The following KANK2 variants were observed in gnomAD, a reference collection of about 807,000 sequenced individuals.
The protein encoded by KANK2 is KN motif and ankyrin repeat domains 2, also known as KN motif and ankyrin repeat domain-containing protein 2.
A neutral mutation model predicts 74.6 loss-of-function variants in KANK2; 41 were observed. That is an observed-to-expected ratio of 0.55 (90% CI 0.43 to 0.71). KANK2 has a LOEUF of 0.71. KANK2 is among the 30% of genes least tolerant of loss of function. KANK2 has a pLI of 0.00. For synonymous variants in KANK2, 537 were observed against 519.0 expected (o/e 1.03, Z -0.47); for missense variants, 1,148 against 1,196.4 (o/e 0.96, Z 0.60).
At chr19:11,194,104 C>G in intron 3 of KANK2, 62 bp from the exon 4 acceptor site, 1 of 1,513,412 alleles carries the variant, frequency 6.6e-7, no homozygotes, top group South Asian at 1.3e-5. Flanking sequence ...AGGGTGAAGA[C>G]TGATGCCTGG....
rs549332121 is a variant in KANK2 at position 11,171,631 on chromosome 19, T to C, written c.2211+1350A>G. 5.9e-5 allele frequency among the ~76,000 whole-genome samples: 9 copies of C among 151,890 alleles called. No homozygotes were observed. The South Asian group carries it at 1.9e-3, about 32-fold the overall frequency. Reference sequence around the variant, plus strand: ...TCAAGCAATTTATCCCGCTTTGTTCTCTCAAAGTGCTGGGGTTACAGGCAT... The same window carrying C: ...TCAAGCAATTTATCCCGCTTTGTTCCCTCAAAGTGCTGGGGTTACAGGCAT... On this transcript the variant is annotated intron_variant, in intron 10 of 12. Transcript: ENST00000586659.
At chr19:11,183,669 T>A (rs1786062641) in intron 4 of KANK2, among the ~76,000 whole-genome samples, 1 of 150,344 alleles carries the variant, frequency 6.7e-6, no homozygotes, top group African/African-American at 2.4e-5. Flanking sequence ...TTTTTTTTTT[T>A]GAGAGAGTCT....
rs148291325 is a variant in KANK2 at position 11,189,340 on chromosome 19, T to C, written c.1249+3491A>G. On this transcript the variant is annotated intron_variant, in intron 4 of 12. Transcript: ENST00000586659. ...ATTTGCAAATGAGGAAACTGAGGCA[T>C]AGAGAGATTTCATCGCTTGCTCAAA... Among the ~76,000 whole-genome samples the C allele has an allele frequency of 3.8e-4, 58 of 152,038 alleles. No homozygotes were observed. In the South Asian group the frequency reaches 8.7e-3, roughly 23 times the overall value.
Position 11,192,783 on chromosome 19 carries a change from G to C in KANK2, c.1249+48C>G, listed in dbSNP as rs1028219817. 4,378 of 1,443,898 alleles carry C rather than the reference G, an allele frequency of 3.0e-3. 237 individuals are homozygous for C. The Admixed American group carries it at 0.071, about 23-fold the overall frequency. The allele number at this position is 1,443,898 out of a possible 1,614,324, so 89.4% of individuals were successfully genotyped here. A position where few individuals can be genotyped will look rare whatever the true frequency, so the allele number is the denominator to read the frequency against. Reference sequence around the variant, plus strand: ...CAGGATGAGCCATGGGAAGAAAGAGGCCCCCCCCCCCCAAGCCATTCTCCC... The same window carrying C: ...CAGGATGAGCCATGGGAAGAAAGAGCCCCCCCCCCCCCAAGCCATTCTCCC... On this transcript the variant is annotated intron_variant, in intron 4 of 12. Transcript: ENST00000586659.
intron 12 of KANK2, chr19:11,169,626 C>A: frequency 1.7e-6 from 1 of 578,648 alleles, no homozygotes. Context: ...CATGGTGAAA[C>A]CCCGTCTCTA....
chr19:11,193,534 G>C lies in KANK2; in HGVS notation c.546C>G (p.Ala182=), dbSNP rs949048695. 1 of 1,606,132 alleles carries C rather than the reference G, an allele frequency of 6.2e-7. No individual in the cohort carries two copies. The highest frequency in any genetic ancestry group is 8.5e-7 in the Non-Finnish European group (1 of 1,179,386). The part of the protein sequence containing the change: ...SGLSTPVPPS[A]GHLAHVREQM... ...GCTCCCGCACGTGGGCCAGGTGCCC[G>C]GCACTGGGAGGCACCGGTGTGGACA... is the stretch of plus-strand genomic sequence containing the variant. The change falls in exon 4 of 13, where the codon GCC becomes GCG. Residue 182 remains alanine (A), a synonymous_variant. Coordinates refer to ENST00000586659, the MANE Select transcript of KANK2 (RefSeq NM_001136191.3). The surrounding 1 kb of genome is among the most constrained non-coding windows in gnomAD (Gnocchi z 9.6).
At chr19:11,195,890 C>T (rs577699526) in intron 1 of KANK2, 70 bp from the exon 2 acceptor site, 1 of 146,828 alleles carries the variant, frequency 6.8e-6, no homozygotes, top group South Asian at 2.1e-4. Context: ...CCCTGAGCAA[C>T]AGAAAGTTGA....
chr19:11,164,722 C>CCATA lies in KANK2; in HGVS notation c.*1835_*1836insTATG, dbSNP rs901417709. 1 of 17,614 alleles carries CCATA rather than the reference C, an allele frequency of 5.7e-5. No homozygotes were observed. Among genetic ancestry groups the CCATA allele is most frequent in the African/African-American group, 1.1e-4 (1 of 8,844 alleles). 1.1% of individuals were successfully genotyped at this position (17,614 alleles called of 1,614,324 possible). The stretch of plus-strand genomic sequence containing the variant: ...ACCATCTATCTATTCATCCATCCAT[C>CCATA]CATCCATCCATCCATCCATCCATCC... On this transcript the variant is annotated 3_prime_UTR_variant, in exon 13 of 13. Transcript: ENST00000586659.
chr19:11,181,106 A>AG, intron 4 of KANK2, among the ~76,000 whole-genome samples: 1 of 142,652 alleles, frequency 7.0e-6, no homozygotes, highest in South Asian at 2.2e-4. Context: ...AAAAAAAAAA[A>AG]AAAAAAAAAA....
At chr19:11,172,891 T>G in intron 10 of KANK2, 90 bp downstream of exon 10, 1 of 1,430,596 alleles carries the variant, frequency 7.0e-7, no homozygotes, top group Non-Finnish European at 9.6e-7. Flanking sequence ...GCTCTGGAGT[T>G]AGACCACCTG....
chr19:11,182,100 G>A (rs1447417924), intron 4 of KANK2, among the ~76,000 whole-genome samples: 1 of 151,766 alleles, frequency 6.6e-6, no homozygotes, highest in Admixed American at 6.6e-5. Context: ...ATTTTTAGTA[G>A]AGATGGGGTT....
chr19:11,178,438 G>T lies in KANK2; in HGVS notation c.1427C>A (p.Pro476Gln), dbSNP rs746325239. The change falls in exon 6 of 13, where the codon CCG becomes CAG. Residue 476 changes from proline (P) to glutamine (Q), a missense_variant. Transcript: ENST00000586659. ...SEEAGGTGGP[P>Q]AGVRSIMKRK... ...TTTCATGATAGATCGCACGCCTGCC[G>T]GGGGCCCGCCTGGAGGGGAGGACAG... 1 of 1,594,202 alleles carries T rather than the reference G, an allele frequency of 6.3e-7. No individual in the cohort carries two copies. Among genetic ancestry groups the T allele is most frequent in the African/African-American group, 1.4e-5 (1 of 73,388 alleles).
chr19:11,193,119 G>A lies in KANK2; in HGVS notation c.961C>T (p.Pro321Ser), dbSNP rs753113059. Reference sequence around the variant, plus strand: ...GTATCCACGCGGACCGGGCTGTCCGGCGGTGGCCAGGCCTGGGGCTGGGGG... The same window carrying A: ...GTATCCACGCGGACCGGGCTGTCCGACGGTGGCCAGGCCTGGGGCTGGGGG... Reference protein sequence around the residue: ...ADPQPQAWPPPDSPVRVDTVR... With the variant: ...ADPQPQAWPPSDSPVRVDTVR... Residue 321 changes from proline (P) to serine (S), a missense_variant, in exon 4 of 13, where the codon CCG (proline) becomes TCG (serine). Physicochemically the swap from Pro to Ser is moderately conservative, Grantham distance 74 (BLOSUM62 -1). Transcript: ENST00000586659. This position sits in a 1 kb window ranked among gnomAD's most constrained non-coding sequence, Gnocchi z 9.6. 2.1e-5 allele frequency: 33 copies of A among 1,605,918 alleles called. No individual in the cohort carries two copies. Among genetic ancestry groups the A allele is most frequent in the Non-Finnish European group, 2.5e-5 (29 of 1,175,964 alleles).
Position 11,170,467 on chromosome 19 carries a change from C to T in KANK2, c.2212-219G>A, listed in dbSNP as rs2078144141. ...AGTGGTTGCCAGAGGCTGGGAGAAG[C>T]GGGGGCGGAGGAAATGATGGATACA... On this transcript the variant is annotated intron_variant, in intron 10 of 12. Transcript: ENST00000586659. The surrounding 1 kb of genome is among the most constrained non-coding windows in gnomAD (Gnocchi z 5.2). 13 of 582,070 alleles carry T rather than the reference C, an allele frequency of 2.2e-5. 1 individual carries two copies. The highest frequency in any genetic ancestry group is 1.0e-4 in the South Asian group (5 of 48,834). 36.1% of individuals were successfully genotyped at this position (582,070 alleles called of 1,614,324 possible).
At chr19:11,197,559 C>G (rs2079060874), upstream of KANK2, 1 of 151,826 alleles carries the variant, frequency 6.6e-6, no homozygotes, top group Non-Finnish European at 1.5e-5. Flanking sequence ...GCCTGGGCGC[C>G]CGGCCCTCGG....
chr19:11,176,802 G>C lies in KANK2; in HGVS notation c.1536C>G (p.Ser512=). The C allele has an allele frequency of 6.5e-7, 1 of 1,529,616 alleles. No homozygotes were observed. The highest frequency in any genetic ancestry group is 8.8e-7 in the Non-Finnish European group (1 of 1,135,578). The allele number at this position is 1,529,616 out of a possible 1,614,324, so 94.8% of individuals were successfully genotyped here. ...TGTTCTCTGCTGTGCTGGAGTCCTC[G>C]GATGACGACTCATACCTGGGGAGGA... ...VGVNGGYESS[S]EDSSTAENIS... is the part of the protein sequence containing the mutation. The change falls in exon 7 of 13, where the codon TCC becomes TCG. Residue 512 remains serine, a synonymous_variant. Transcript: ENST00000586659.
In KANK2 at chr19:11,164,675, T is replaced by C. The variant is rs1194192710; in HGVS notation, c.*1883A>G. 6.6e-6 allele frequency: 1 copy of C among 152,100 alleles called. No homozygotes were observed. Among genetic ancestry groups the C allele is most frequent in the Non-Finnish European group, 1.5e-5 (1 of 68,034 alleles). 9.4% of individuals were successfully genotyped at this position (152,100 alleles called of 1,614,324 possible). On this transcript the variant is annotated 3_prime_UTR_variant, in exon 13 of 13. Transcript: ENST00000586659. ...TTTCCAATCAGCTTTGGTTTTGTTT[T>C]CTCTGCAATTTACATGCAAACACCA...
chr19:11,188,187 A>G (rs2078730927), intron 4 of KANK2, among the ~76,000 whole-genome samples: 1 of 150,064 alleles, frequency 6.7e-6, no homozygotes, highest in African/African-American at 2.5e-5. Flanking sequence ...TCAGTTTTGG[A>G]CTCCTGAAGG....
rs750629170 is a variant in KANK2, at chr19:11,169,913, C to T, written c.2466G>A (p.Ala822=). ...VALDAGQSEI[A]SMLYSRMNIK... ...TGTTCATGCGGGAATACAGCATGGA[C>T]GCAATCTCACTCTGCCCTGCGTCCA... The change falls in exon 12 of 13, where the codon GCG becomes GCA. Residue 822 remains alanine (A), a synonymous_variant. Transcript: ENST00000586659. The T allele has an allele frequency of 1.2e-5, 19 of 1,614,074 alleles. No individual in the cohort carries two copies. Among genetic ancestry groups the T allele is most frequent in the Middle Eastern group, 3.3e-4 (2 of 6,084 alleles).
Sources: gnomAD v4.1 joint callset for allele counts (sites outside exome capture counted in the v4.1 genomes callset) on GRCh38, gnomAD v4.1.1 for gene constraint, Gnocchi (gnomAD v3.1) non-coding constraint, MANE v1.5 for transcripts, NCBI Gene and HGNC (gene_info 2026-07-23, HGNC 2026-07-21) for gene names.